The following UGT1A9 variants were observed in gnomAD, a reference collection of about 807,000 sequenced individuals.
The protein encoded by UGT1A9 is UDP-glucuronosyltransferase 1A9.
UGT1A9 carries 35 observed loss-of-function variants against 45.0 expected under a neutral mutation model. The observed-to-expected ratio is 0.78, with a 90% CI of 0.59 to 1.03. UGT1A9 has a LOEUF of 1.03. Ranked by LOEUF, UGT1A9 falls within the 50% of genes least tolerant of loss-of-function variation. UGT1A9 has a pLI of 0.00. For missense variants in UGT1A9, 687 were observed against 666.6 expected (o/e 1.03, Z -0.34); for synonymous variants, 278 against 250.6 (o/e 1.11, Z -1.03).
At chr2:233,767,790 T>C in intron 2 of UGT1A9, 59 bp from the exon 3 acceptor site, 1 of 1,614,008 alleles carries the variant, frequency 6.2e-7, no homozygotes, top group Non-Finnish European at 8.5e-7. Flanking sequence ...GTATAGCAGA[T>C]TTGTTTTCTA....
Position 233,772,534 on chromosome 2 carries a change from A to T in UGT1A9, c.1568A>T (p.Lys523Ile). 6.2e-7 allele frequency: 1 copy of T among 1,614,216 alleles called. No homozygotes were observed. Among genetic ancestry groups the T allele is most frequent in the South Asian group, 1.1e-5 (1 of 91,086 alleles). The change falls in exon 5 of 5, where the codon AAA becomes ATA. Residue 523 changes from lysine to isoleucine, a missense_variant. Lys to Ile is a moderately radical substitution (Grantham distance 102). Transcript: ENST00000354728. The stretch of plus-strand genomic sequence containing the variant: ...TTGGGGAAAAAAGGGCGAGTTAAGA[A>T]AGCCCACAAATCCAAGACCCATTGA... ...KCLGKKGRVK[K>I]AHKSKTH
intron 1 of UGT1A9, chr2:233,755,875 T>A (rs1402547099): frequency 2.6e-5 from 4 of 152,198 alleles, no homozygotes; most frequent in Non-Finnish European, 5.9e-5. Flanking sequence ...CTAACAAACC[T>A]TTTTATGTAA....
chr2:233,747,678 C>T, intron 1 of UGT1A9: 3 of 1,607,090 alleles, frequency 1.9e-6, no homozygotes, highest in Admixed American at 1.7e-5. Context: ...CCCAATTTAC[C>T]TCTGTGGGGC....
chr2:233,693,703 A>T, intron 1 of UGT1A9: 2 of 1,614,248 alleles, frequency 1.2e-6, no homozygotes, highest in East Asian at 4.5e-5. Context: ...AAGAACTCGC[A>T]TCAGCTGTCC....
rs149894725 is a variant in UGT1A9 at position 233,704,012 on chromosome 2, G to A, written c.855+31223G>A. Among the ~76,000 whole-genome samples the A allele has an allele frequency of 1.6e-4, 24 of 151,646 alleles. No individual in the cohort carries two copies. In the South Asian group the frequency reaches 2.5e-3, roughly 16 times the overall value. ...TTCAAGCAGTTCTCCCACCTCAGCC[G>A]CCCGAGCAGCTGGAACTACAGGTGT... On this transcript the variant is annotated intron_variant, in intron 1 of 4. Coordinates refer to ENST00000354728, the MANE Select transcript of UGT1A9 (RefSeq NM_021027.3).
At chr2:233,704,256 CT>C (rs59925871) in intron 1 of UGT1A9, among the ~76,000 whole-genome samples, 3,570 of 123,594 alleles carry the variant, frequency 0.029, 58 homozygotes, top group South Asian at 0.052. Context: ...GCCTTTATTG[CT>C]TTTTTTTTTT....
intron 1 of UGT1A9, among the ~76,000 whole-genome samples, chr2:233,727,123 C>T (rs2077584182): frequency 1.3e-5 from 2 of 152,116 alleles, no homozygotes; most frequent in Non-Finnish European, 2.9e-5. Flanking sequence ...GTGAGATTGG[C>T]AGAGGGGAAC....
At chr2:233,755,786 A>T (rs1696022077) in intron 1 of UGT1A9, 1 of 152,524 alleles carries the variant, frequency 6.6e-6, no homozygotes, top group Non-Finnish European at 1.5e-5. Flanking sequence ...TGCCTATCAT[A>T]TGTACTGCAT....
intron 1 of UGT1A9, among the ~76,000 whole-genome samples, chr2:233,723,452 C>G (rs2125693136): frequency 1.4e-5 from 2 of 138,456 alleles, no homozygotes; most frequent in African/African-American, 5.6e-5. Context: ...TCAGGTGATC[C>G]ACCCGCCTCA....
rs59292838 is a variant in UGT1A9, at chr2:233,748,466, A to G, written c.856-18568A>G. On this transcript the variant is annotated intron_variant, in intron 1 of 4. Transcript: ENST00000354728. ...ACAATTTTCAGGGGAAAGATGATGC[A>G]ACAGCAAATTACAATTGTTAATGTG... is the stretch of plus-strand genomic sequence containing the variant. Among the ~76,000 whole-genome samples, 894 of 151,982 alleles carry G rather than the reference A, an allele frequency of 5.9e-3. 32 individuals carry two copies. The highest frequency in any genetic ancestry group is 0.021 in the African/African-American group (860 of 41,252).
rs1217808254 is a variant in UGT1A9 at position 233,763,370 on chromosome 2, A to G, written c.856-3664A>G. On this transcript the variant is annotated intron_variant, in intron 1 of 4. Coordinates refer to ENST00000354728, the MANE Select transcript of UGT1A9 (RefSeq NM_021027.3). ...ACATCTTTAGTACTCCTTTGTCTTC[A>G]AGCTTTCTTCCTTTTTAAACAACAT... is the stretch of plus-strand genomic sequence containing the variant. Among the ~76,000 whole-genome samples the G allele has an allele frequency of 3.3e-5, 5 of 152,290 alleles. No homozygotes were observed. The East Asian group carries it at 9.6e-4, about 29-fold the overall frequency.
At chr2:233,727,866 T>A (rs1246200452) in intron 1 of UGT1A9, among the ~76,000 whole-genome samples, 1 of 152,128 alleles carries the variant, frequency 6.6e-6, no homozygotes, top group Non-Finnish European at 1.5e-5. Flanking sequence ...AAGGGAAGCC[T>A]CAGCCTCACC....
At chr2:233,761,798 T>C (rs573844066) in intron 1 of UGT1A9, among the ~76,000 whole-genome samples, 7 of 152,144 alleles carry the variant, frequency 4.6e-5, no homozygotes, top group Non-Finnish European at 1.0e-4. Context: ...CAGCAGAGGA[T>C]AGAAAAGAAC....
At chr2:233,717,873 G>C (rs1268919584) in intron 1 of UGT1A9, 1 of 454,864 alleles carries the variant, frequency 2.2e-6, no homozygotes, top group African/African-American at 2.0e-5. Context: ...TTGACTTGGA[G>C]AAAAGCCTGG....
intron 1 of UGT1A9, chr2:233,760,227 T>G: frequency 6.3e-7 from 1 of 1,581,154 alleles, no homozygotes; most frequent in Non-Finnish European, 8.5e-7. Flanking sequence ...ATCGATTGGT[T>G]TTTGCCATAT....
At position 233,764,985 on chromosome 2, in the gene UGT1A9, G is replaced by A. The variant is rs952012916; in HGVS notation, c.856-2049G>A. On this transcript the variant is annotated intron_variant, in intron 1 of 4. Coordinates refer to ENST00000354728, the MANE Select transcript of UGT1A9 (RefSeq NM_021027.3). ...TTGGGAGAAGGATGGTCAGTGTCTG[G>A]GGCTTTCCTGGTCATGTTCCAAATC... Among the ~76,000 whole-genome samples, 3 of 152,196 alleles carry A rather than the reference G, an allele frequency of 2.0e-5. No homozygotes were observed. In the South Asian group the frequency reaches 6.2e-4, roughly 32 times the overall value.
intron 1 of UGT1A9, among the ~76,000 whole-genome samples, chr2:233,730,165 G>A (rs142374428): frequency 8.5e-5 from 13 of 152,274 alleles, no homozygotes; most frequent in East Asian, 3.9e-4. Context: ...CTCTAGTAGC[G>A]TATTTCAGGT....
rs192958236 is a variant in UGT1A9 at position 233,736,101 on chromosome 2, G to A, written c.856-30933G>A. On this transcript the variant is annotated intron_variant, in intron 1 of 4. Transcript: ENST00000354728. ...GTTCTCCTGGATAATATCCTGAAGA[G>A]TGTTTTCCAACTTGTTTCCATTCTC... Among the ~76,000 whole-genome samples, 338 of 152,320 alleles carry A rather than the reference G, an allele frequency of 2.2e-3. 1 individual carries two copies. The highest frequency in any genetic ancestry group is 4.2e-3 in the Non-Finnish European group (288 of 68,040).
chr2:233,688,966 C>T (rs1036860772), intron 1 of UGT1A9, among the ~76,000 whole-genome samples: 10 of 152,172 alleles, frequency 6.6e-5, no homozygotes, highest in Non-Finnish European at 1.3e-4. Flanking sequence ...GGAATCATAG[C>T]ATGTTCTTTC....
Sources: allele counts gnomAD v4.1 joint callset (sites outside exome capture counted in the v4.1 genomes callset), GRCh38; gene constraint gnomAD v4.1.1; transcripts MANE v1.5; gene names NCBI Gene and HGNC (gene_info 2026-07-23, HGNC 2026-07-21).